Variants in MED14 observed in about 807,000 individuals in gnomAD.
MED14 encodes the protein mediator of RNA polymerase II transcription subunit 14.
A neutral mutation model predicts 109.0 loss-of-function variants in MED14; 8 were observed. That is an observed-to-expected ratio of 0.07 (90% CI 0.04 to 0.13). MED14 has a LOEUF of 0.13. MED14 is among the 10% of genes least tolerant of loss of function. The pLI is 1.00. For missense variants in MED14, 711 were observed against 1,142.4 expected (o/e 0.62, Z 5.44); for synonymous variants, 399 against 408.7 (o/e 0.98, Z 0.29).
upstream of MED14, chrX:40,735,847 T>A: frequency 3.2e-6 from 1 of 308,594 alleles, no homozygotes; most frequent in South Asian, 2.9e-5. Context: ...CGCGTGGGAG[T>A]GAGGCGGTAC....
At chrX:40,667,806 C>G (rs929801301) in intron 23 of MED14, among the ~76,000 whole-genome samples, 6 of 111,879 alleles carry the variant, frequency 5.4e-5, no homozygotes, top group Non-Finnish European at 9.4e-5. Flanking sequence ...AGGTGACAGA[C>G]TATGGTAGTG....
At chrX:40,709,594 C>A in intron 9 of MED14, 135 bp from the exon 10 acceptor site, 1 of 312,504 alleles carries the variant, frequency 3.2e-6, no homozygotes, top group Non-Finnish European at 5.6e-6. Flanking sequence ...TAATAGAAAG[C>A]AAACTTAAAG....
At chrX:40,675,826 A>C (rs1458884281) in intron 21 of MED14, among the ~76,000 whole-genome samples, 2 of 112,395 alleles carry the variant, frequency 1.8e-5, no homozygotes, top group Non-Finnish European at 3.8e-5. Context: ...TATATAATTT[A>C]ATCTTGAACC....
At chrX:40,699,224 G>A (rs1488213840) in intron 12 of MED14, among the ~76,000 whole-genome samples, 1 of 112,067 alleles carries the variant, frequency 8.9e-6, no homozygotes, top group Non-Finnish European at 1.9e-5. Context: ...AATAGAAAGT[G>A]GATTCATAGT....
chrX:40,659,171 C>T (rs1602443114), intron 28 of MED14, 56 bp downstream of exon 28: 2 of 829,064 alleles, frequency 2.4e-6, no homozygotes, highest in East Asian at 3.5e-5. Flanking sequence ...ACTGCTCCCA[C>T]CAACTCTAAC....
upstream of MED14, among the ~76,000 whole-genome samples, chrX:40,736,128 C>T (rs963100157): frequency 9.0e-6 from 1 of 111,501 alleles, no homozygotes; most frequent in Non-Finnish European, 1.9e-5. Flanking sequence ...GAAATGGGAG[C>T]GGCCGCGCGC....
chrX:40,649,297 AACTC>A lies in MED14; in HGVS notation c.*2505_*2508del, dbSNP rs1218607840. 3 of 138,380 alleles carry A rather than the reference AACTC, an allele frequency of 2.2e-5. No individual in the cohort carries two copies. The highest frequency in any genetic ancestry group is 1.7e-4 in the South Asian group (1 of 6,003). 11.4% of individuals were successfully genotyped at this position (138,380 alleles called of 1,213,427 possible). On this transcript the variant is annotated 3_prime_UTR_variant, in exon 31 of 31. Coordinates refer to ENST00000324817, the MANE Select transcript of MED14 (RefSeq NM_004229.4). ...TAAATTTTAGTTTATGCTTGCACTT[AACTC>A]ACTCAGTTAATTTTCAAACATAAGG...
chrX:40,710,183 A>G, intron 8 of MED14, 54 bp from the exon 9 acceptor site: 1 of 839,032 alleles, frequency 1.2e-6, no homozygotes, highest in Non-Finnish European at 1.6e-6. Flanking sequence ...GTTAACTTCT[A>G]GAATAAAATA....
chrX:40,679,804 A>T (rs1377534884), intron 21 of MED14, 60 bp downstream of exon 21: 6 of 1,104,244 alleles, frequency 5.4e-6, no homozygotes, highest in Non-Finnish European at 7.3e-6. Flanking sequence ...TCCCCCTCAA[A>T]GAAACTATTT....
chrX:40,729,768 T>C (rs987616422), intron 1 of MED14, among the ~76,000 whole-genome samples: 2 of 112,014 alleles, frequency 1.8e-5, no homozygotes, highest in Non-Finnish European at 3.8e-5. Context: ...CCACATTGTG[T>C]TATGGTGGAC....
chrX:40,680,450 T>C (rs1388926517), intron 20 of MED14, among the ~76,000 whole-genome samples: 2 of 111,917 alleles, frequency 1.8e-5, no homozygotes, highest in East Asian at 5.6e-4. Flanking sequence ...CAGGGTCTCA[T>C]TCCGACACCC....
intron 3 of MED14, among the ~76,000 whole-genome samples, chrX:40,721,437 A>C (rs995264598): frequency 3.3e-4 from 37 of 112,587 alleles, no homozygotes; most frequent in African/African-American, 1.2e-3. Flanking sequence ...AGCAGGAAGG[A>C]ATTCGTATTG....
rs1490377811 is a variant in MED14 at position 40,710,148 on chromosome X, TGAA to T, written c.1023-22_1023-20del. 3.6e-6 allele frequency: 4 copies of T among 1,105,717 alleles called. No homozygotes were observed. The highest frequency in any genetic ancestry group is 6.4e-5 in the East Asian group (2 of 31,350). 91.1% of individuals were successfully genotyped at this position (1,105,717 alleles called of 1,213,427 possible). ...CTGTTGACTAAAGAAAAAAATGAAA[TGAA>T]GAATTTTTTTCAACACAGTCTGTTA... On this transcript the variant is annotated intron_variant, in intron 8 of 30. Coordinates refer to ENST00000324817, the MANE Select transcript of MED14 (RefSeq NM_004229.4).
In MED14 at chrX:40,674,198, G is replaced by A. The variant is rs551717057; in HGVS notation, c.3021+1023C>T. Among the ~76,000 whole-genome samples, 12 of 109,454 alleles carry A rather than the reference G, an allele frequency of 1.1e-4. 1 individual carries two copies. The East Asian group carries it at 3.2e-3, about 29-fold the overall frequency. ...GTCTGTCACAAGAGCCCCGCACCTC[G>A]GCTACACAGAGACATTCGCATAGGC... On this transcript the variant is annotated intron_variant, in intron 22 of 30. Transcript: ENST00000324817.
rs775712754 is a variant in MED14, at chrX:40,681,865, G to A, written c.2444C>T (p.Thr815Ile). Residue 815 changes from threonine to isoleucine, a missense_variant, in exon 19 of 31, where the codon ACC becomes ATC. By Grantham distance (89) the Thr-to-Ile change is moderately conservative (BLOSUM62 -1). Around this residue, in one of 8 missense-constraint regions of MED14, gnomAD observed 388 missense variants for 517.3 expected, o/e 0.75. Coordinates refer to ENST00000324817, the MANE Select transcript of MED14 (RefSeq NM_004229.4). ...AATCAGACTTACTGAGCTTCCCTTGGTGGTTCCATAACACAAGATAAGTTT... is the reference window on the plus strand; with the variant it reads ...AATCAGACTTACTGAGCTTCCCTTGATGGTTCCATAACACAAGATAAGTTT... ...YRKLILCYGT[T>I]KGSSISIQWN... is the part of the protein sequence containing the mutation. 4 of 1,118,514 alleles carry A rather than the reference G, an allele frequency of 3.6e-6. No individual in the cohort carries two copies. Among genetic ancestry groups the A allele is most frequent in the Admixed American group, 5.5e-5 (2 of 36,483 alleles). 92.2% of individuals were successfully genotyped at this position (1,118,514 alleles called of 1,213,427 possible).
chrX:40,672,458 G>A (rs1929763473), intron 22 of MED14, among the ~76,000 whole-genome samples: 1 of 112,083 alleles, frequency 8.9e-6, no homozygotes, highest in Non-Finnish European at 1.9e-5. Context: ...AAATATGGTA[G>A]CTCAGCCTGA....
chrX:40,694,968 A>AT (rs774570533), intron 13 of MED14, among the ~76,000 whole-genome samples: 1 of 112,474 alleles, frequency 8.9e-6, no homozygotes, highest in Non-Finnish European at 1.9e-5. Flanking sequence ...ATGTCCTTCA[A>AT]TGAGTGACTC....
chrX:40,724,595 A>G (rs960575738), intron 3 of MED14, among the ~76,000 whole-genome samples: 3 of 112,166 alleles, frequency 2.7e-5, no homozygotes, highest in Non-Finnish European at 5.6e-5. Flanking sequence ...TCAATGAACA[A>G]ATTAAGAAGA....
chrX:40,712,381 T>C (rs1931368370), intron 6 of MED14, 88 bp from the exon 7 acceptor site: 2 of 563,554 alleles, frequency 3.5e-6, no homozygotes, highest in South Asian at 5.0e-5. Flanking sequence ...ATAATAACAA[T>C]GAATTTTTTT....
Sources: gnomAD v4.1 joint callset for allele counts (sites outside exome capture counted in the v4.1 genomes callset) on GRCh38, gnomAD v4.1.1 for gene constraint, gnomAD v4.1.1 regional missense constraint, MANE v1.5 for transcripts, NCBI Gene and HGNC (gene_info 2026-07-23, HGNC 2026-07-21) for gene names.